Variants in TMEM164 observed in about 807,000 individuals in gnomAD.
The protein encoded by TMEM164 is transmembrane protein 164.
TMEM164 carries 4 observed loss-of-function variants against 18.8 expected under a neutral mutation model. The observed-to-expected ratio is 0.21, with a 90% CI of 0.10 to 0.49. The LOEUF (loss-of-function observed/expected upper bound fraction) is 0.49, where lower values mean the gene tolerates loss of function less well. Among genes scored for constraint, TMEM164 ranks in the 20% least tolerant of loss-of-function variants. The probability of loss-of-function intolerance (pLI) is 0.98; values close to 1 mark genes in which losing one functional copy is unlikely to be tolerated. For synonymous variants in TMEM164, 86 were observed against 101.7 expected (o/e 0.85, Z 0.93); for missense variants, 108 against 239.9 (o/e 0.45, Z 3.63).
In TMEM164 at chrX:110,173,754, C is replaced by T. The variant is rs1569362781; in HGVS notation, c.*303C>T. 2 of 285,268 alleles carry T rather than the reference C, an allele frequency of 7.0e-6. No individual in the cohort carries two copies. The highest frequency in any genetic ancestry group is 7.6e-5 in the South Asian group (1 of 13,195). 23.5% of individuals were successfully genotyped at this position (285,268 alleles called of 1,213,427 possible). A position where few individuals can be genotyped will look rare whatever the true frequency, so the allele number is the denominator to read the frequency against. ...TGAGCGGCTCTTTCACTCTGCTTGT[C>T]GGTGCTTTAACAACAGCTGGTTGAG... On this transcript the variant is annotated 3_prime_UTR_variant, in exon 7 of 7. Coordinates refer to ENST00000372068, the MANE Select transcript of TMEM164 (RefSeq NM_032227.4).
At chrX:110,154,315 C>T (rs1314253178) in intron 5 of TMEM164, among the ~76,000 whole-genome samples, 2 of 112,097 alleles carry the variant, frequency 1.8e-5, no homozygotes, top group Admixed American at 9.5e-5. Context: ...TATTCTATTT[C>T]GTATACTTAA....
At position 110,120,820 on chromosome X, in the gene TMEM164, C is replaced by T. The variant is rs1049566242; in HGVS notation, c.507+11674C>T. 5.4e-5 allele frequency among the ~76,000 whole-genome samples: 6 copies of T among 111,924 alleles called. No homozygotes were observed. The East Asian group carries it at 1.4e-3, about 26-fold the overall frequency. ...ATGACATTAACTTTGTTAGCTCCCA[C>T]ATATAAGTGAGAACATGTGGTAGTT... On this transcript the variant is annotated intron_variant, in intron 4 of 6. Transcript: ENST00000372068.
intron 2 of TMEM164, among the ~76,000 whole-genome samples, chrX:110,011,915 C>T (rs1933027525): frequency 8.9e-6 from 1 of 112,027 alleles, no homozygotes; most frequent in Admixed American, 9.5e-5. Context: ...AGATGTCTTA[C>T]TTCTCCCTTG....
chrX:110,170,201 G>C (rs2067212418), intron 5 of TMEM164, among the ~76,000 whole-genome samples: 1 of 112,409 alleles, frequency 8.9e-6, no homozygotes, highest in African/African-American at 3.2e-5. Flanking sequence ...AGTCCTATTT[G>C]TCCTTCTGGG....
chrX:110,084,986 C>T (rs895081395), intron 3 of TMEM164, among the ~76,000 whole-genome samples: 3 of 110,495 alleles, frequency 2.7e-5, no homozygotes, highest in African/African-American at 6.6e-5. Context: ...ATTCTAGTGG[C>T]TTTCTATACC....
chrX:110,173,576 C>A lies in TMEM164; in HGVS notation c.*125C>A. The A allele has an allele frequency of 1.9e-6, 1 of 536,569 alleles. No homozygotes were observed. Among genetic ancestry groups the A allele is most frequent in the South Asian group, 3.2e-5 (1 of 31,555 alleles). The allele number at this position is 536,569 out of a possible 1,213,427, so 44.2% of individuals were successfully genotyped here. ...GATGTTTGGTGTATTTCTTTTTCCT[C>A]CTTTCTGTCCCTTTCTTCTACCACT... On this transcript the variant is annotated 3_prime_UTR_variant, in exon 7 of 7. Coordinates refer to ENST00000372068, the MANE Select transcript of TMEM164 (RefSeq NM_032227.4).
intron 5 of TMEM164, among the ~76,000 whole-genome samples, chrX:110,162,626 G>T: frequency 8.9e-6 from 1 of 112,283 alleles, no homozygotes; most frequent in Admixed American, 9.4e-5. Flanking sequence ...TACACTCAGT[G>T]GCTAAGAATG....
At chrX:110,106,639 G>C (rs1052013675) in intron 3 of TMEM164, among the ~76,000 whole-genome samples, 3 of 111,695 alleles carry the variant, frequency 2.7e-5, no homozygotes, top group African/African-American at 9.8e-5. Flanking sequence ...CTCCCAAAGT[G>C]CTGGGATTAC....
chrX:110,150,759 A>G (rs2066927645), intron 5 of TMEM164, among the ~76,000 whole-genome samples: 1 of 111,909 alleles, frequency 8.9e-6, no homozygotes, highest in South Asian at 3.6e-4. Context: ...TTGCTTAGCA[A>G]TATTTCTTGG....
At chrX:110,092,384 T>C (rs1569324407) in intron 3 of TMEM164, among the ~76,000 whole-genome samples, 1 of 112,000 alleles carries the variant, frequency 8.9e-6, no homozygotes, top group Admixed American at 9.5e-5. Flanking sequence ...TTTTATTTCA[T>C]TGAGCAGTGG....
chrX:110,073,057 G>A (rs995503300), intron 3 of TMEM164, among the ~76,000 whole-genome samples: 2 of 110,414 alleles, frequency 1.8e-5, no homozygotes, highest in Non-Finnish European at 3.8e-5. Flanking sequence ...TTTTTGACAG[G>A]TTCTCACTCT....
At chrX:110,026,366 C>T (rs1381786851) in intron 2 of TMEM164, among the ~76,000 whole-genome samples, 4 of 111,548 alleles carry the variant, frequency 3.6e-5, no homozygotes, top group Non-Finnish European at 5.6e-5. Flanking sequence ...ACTCTGTAGA[C>T]GGCAGAGGGT....
chrX:110,091,018 C>G (rs2065920070), intron 3 of TMEM164, among the ~76,000 whole-genome samples: 1 of 111,306 alleles, frequency 9.0e-6, no homozygotes, highest in South Asian at 3.7e-4. Context: ...TCATCCATGT[C>G]CCTACAAAGG....
chrX:110,095,973 G>A (rs1254370617), intron 3 of TMEM164, among the ~76,000 whole-genome samples: 1 of 112,405 alleles, frequency 8.9e-6, no homozygotes, highest in Admixed American at 9.4e-5. Context: ...GTTTGCCTGG[G>A]TATCACCAGC....
downstream of TMEM164, among the ~76,000 whole-genome samples, chrX:110,183,406 G>A (rs930405617): frequency 2.7e-5 from 3 of 112,294 alleles, no homozygotes; most frequent in Admixed American, 9.4e-5. Flanking sequence ...GTCACTAGCC[G>A]CCACTCAGTA....
At chrX:110,096,301 C>T (rs1196854997) in intron 3 of TMEM164, among the ~76,000 whole-genome samples, 4 of 112,924 alleles carry the variant, frequency 3.5e-5, no homozygotes, top group Non-Finnish European at 5.6e-5. Context: ...TCTACAGAGG[C>T]AGGCAGGCCT....
At chrX:110,072,460 T>C (rs1161091728) in intron 3 of TMEM164, among the ~76,000 whole-genome samples, 1 of 111,053 alleles carries the variant, frequency 9.0e-6, no homozygotes, top group African/African-American at 3.3e-5. Context: ...TTTTGGTCGT[T>C]TGTGTTTTGC....
chrX:110,132,414 G>A (rs930454080), intron 4 of TMEM164, among the ~76,000 whole-genome samples: 2 of 111,197 alleles, frequency 1.8e-5, no homozygotes, highest in African/African-American at 3.3e-5. Flanking sequence ...TGAAGGAATC[G>A]CTGGCCTGAA....
intron 2 of TMEM164, chrX:110,020,318 T>A (rs1308762609): frequency 1.4e-6 from 1 of 714,957 alleles, no homozygotes; most frequent in East Asian, 1.5e-4. Flanking sequence ...GAGGAAAAGG[T>A]CATTAGTTCA....
Sources: gnomAD v4.1 joint callset for allele counts (sites outside exome capture counted in the v4.1 genomes callset) on GRCh38, gnomAD v4.1.1 for gene constraint, MANE v1.5 for transcripts, NCBI Gene and HGNC (gene_info 2026-07-23, HGNC 2026-07-21) for gene names.